BCAS3: variants seen among roughly 807,000 people sequenced by gnomAD.
BCAS3 encodes the protein BCAS3 microtubule associated cell migration factor, also known as BCAS4/BCAS3 fusion.
Under a neutral mutation model 116.1 loss-of-function variants are expected in BCAS3, and 53 were observed. The ratio of observed to expected loss-of-function variants is 0.46; its 90% confidence interval spans 0.37 to 0.57. BCAS3 has a LOEUF of 0.57. Ranked by LOEUF, BCAS3 falls within the 20% of genes least tolerant of loss-of-function variation. The pLI, the probability that BCAS3 is intolerant of heterozygous loss-of-function variation, is 0.00. For synonymous variants in BCAS3, 391 were observed against 408.2 expected (o/e 0.96, Z 0.51); for missense variants, 917 against 1,165.4 (o/e 0.79, Z 3.10).
intron 22 of BCAS3, among the ~76,000 whole-genome samples, chr17:61,209,274 A>G (rs1268957351): frequency 2.0e-5 from 3 of 152,080 alleles, no homozygotes; most frequent in South Asian, 2.1e-4. Flanking sequence ...AGCCGTTTCA[A>G]TTTAAAAAGA....
At chr17:60,843,367 C>T (rs575470167) in intron 7 of BCAS3, among the ~76,000 whole-genome samples, 48 of 151,894 alleles carry the variant, frequency 3.2e-4, no homozygotes, top group Non-Finnish European at 5.7e-4. Context: ...CAGGCACACA[C>T]CACCACGCCT....
At chr17:60,982,765 T>G (rs919789831) in intron 14 of BCAS3, among the ~76,000 whole-genome samples, 4 of 152,244 alleles carry the variant, frequency 2.6e-5, no homozygotes, top group Non-Finnish European at 5.9e-5. Context: ...GGTTTTTCTC[T>G]TGTTATAAAC....
chr17:60,760,735 G>T (rs2094673576), intron 6 of BCAS3, among the ~76,000 whole-genome samples: 1 of 152,026 alleles, frequency 6.6e-6, no homozygotes, highest in African/African-American at 2.4e-5. Flanking sequence ...TCTTATTTGT[G>T]AAAGTCTAGG....
In BCAS3 at chr17:60,784,048, A is replaced by C. The variant is rs182527801; in HGVS notation, c.404-23956A>C. Reference sequence around the variant, plus strand: ...ACTCCATTGTAGAACTGCTGCCAGGAAAGTATCTAAACATCTGGAATATGG... The same window carrying C: ...ACTCCATTGTAGAACTGCTGCCAGGCAAGTATCTAAACATCTGGAATATGG... On this transcript the variant is annotated intron_variant, in intron 6 of 23. Coordinates refer to ENST00000407086, the MANE Select transcript of BCAS3 (RefSeq NM_017679.5). 2.6e-4 allele frequency among the ~76,000 whole-genome samples: 39 copies of C among 152,154 alleles called. 1 individual carries two copies. The East Asian group carries it at 7.1e-3, about 28-fold the overall frequency.
At chr17:61,071,118 G>T (rs1390598058) in intron 19 of BCAS3, among the ~76,000 whole-genome samples, 1 of 152,018 alleles carries the variant, frequency 6.6e-6, no homozygotes, top group Admixed American at 6.6e-5. Context: ...TGAAATTTGA[G>T]GTTATAGTGA....
chr17:61,192,677 A>G (rs928229889), intron 22 of BCAS3, among the ~76,000 whole-genome samples: 1 of 152,198 alleles, frequency 6.6e-6, no homozygotes, highest in Non-Finnish European at 1.5e-5. Context: ...GCAGTTTACC[A>G]CTGTCATGCT....
At chr17:61,351,045 G>A (rs1045700002) in intron 22 of BCAS3, among the ~76,000 whole-genome samples, 3 of 152,162 alleles carry the variant, frequency 2.0e-5, no homozygotes, top group South Asian at 2.1e-4. Flanking sequence ...CCCATCATAC[G>A]TACTTCAGAT....
At chr17:60,979,954 T>C (rs983189920) in intron 14 of BCAS3, among the ~76,000 whole-genome samples, 3 of 151,934 alleles carry the variant, frequency 2.0e-5, no homozygotes, top group African/African-American at 7.3e-5. Flanking sequence ...GGTCTAAAAT[T>C]CTCTTTTTTG....
intron 7 of BCAS3, among the ~76,000 whole-genome samples, chr17:60,809,287 A>G (rs1276145404): frequency 1.4e-5 from 2 of 147,226 alleles, no homozygotes; most frequent in East Asian, 3.9e-4. Context: ...AAAAAAAAAA[A>G]GAGAGAGTTT....
At chr17:60,721,448 A>G (rs1207137841) in intron 5 of BCAS3, among the ~76,000 whole-genome samples, 1 of 152,172 alleles carries the variant, frequency 6.6e-6, no homozygotes, top group African/African-American at 2.4e-5. Flanking sequence ...CTTTTCCTGT[A>G]GTATGTTTCT....
chr17:61,340,487 T>A (rs1399145588), intron 22 of BCAS3, among the ~76,000 whole-genome samples: 1 of 151,958 alleles, frequency 6.6e-6, no homozygotes, highest in East Asian at 1.9e-4. Flanking sequence ...AAGTAATCAT[T>A]TAGGAGGGTG....
At chr17:60,847,680 C>G (rs2052659678) in intron 7 of BCAS3, among the ~76,000 whole-genome samples, 1 of 151,366 alleles carries the variant, frequency 6.6e-6, no homozygotes, top group Non-Finnish European at 1.5e-5. Flanking sequence ...CTTTTTTTTT[C>G]TCATTGGAAT....
Position 61,300,557 on chromosome 17 carries a change from AAAGAAAAG to A in BCAS3, c.2426-67767_2426-67760del, listed in dbSNP as rs1204744703. 6.6e-6 allele frequency among the ~76,000 whole-genome samples: 1 copy of A among 152,026 alleles called. No individual in the cohort carries two copies. The highest frequency in any genetic ancestry group is 1.5e-5 in the Non-Finnish European group (1 of 67,970). ...TCTTGACGCAGTGTTCCTGGCCAAAAAAGAAAAGAAAAGAAAAGAAAAATGTATGGCAG... is the reference window on the plus strand; with the variant it reads ...TCTTGACGCAGTGTTCCTGGCCAAAAAAAAGAAAAGAAAAATGTATGGCAG... On this transcript the variant is annotated intron_variant, in intron 22 of 23. Transcript: ENST00000407086. This position sits in a 1 kb window ranked among gnomAD's most constrained non-coding sequence, Gnocchi z 5.1.
chr17:61,152,114 G>A (rs1439783913), intron 22 of BCAS3, among the ~76,000 whole-genome samples: 4 of 152,126 alleles, frequency 2.6e-5, no homozygotes, highest in African/African-American at 9.7e-5. Context: ...AAGATGGCAC[G>A]GACCCAAAGA....
At chr17:61,024,646 G>GT (rs11369553) in intron 16 of BCAS3, among the ~76,000 whole-genome samples, 22,878 of 146,822 alleles carry the variant, frequency 0.16, 5,461 homozygotes, top group African/African-American at 0.51. Context: ...AAATCTCGAG[G>GT]TTTTTTTTTT....
At position 61,233,943 on chromosome 17, in the gene BCAS3, AT is replaced by A. The variant is rs1362936431; in HGVS notation, c.2426-134382del. 6.7e-6 allele frequency among the ~76,000 whole-genome samples: 1 copy of A among 150,104 alleles called. No homozygotes were observed. The highest frequency in any genetic ancestry group is 1.5e-5 in the Non-Finnish European group (1 of 67,708). ...CTGTGGCATTCCATCCATTATTCTA[AT>A]TAATGTGAATTGAGTATTACTAATA... On this transcript the variant is annotated intron_variant, in intron 22 of 23. Transcript: ENST00000407086. The surrounding 1 kb of genome is among the most constrained non-coding windows in gnomAD (Gnocchi z 4.3).
In BCAS3 at chr17:61,082,663, A is replaced by T. The variant is rs2072722022; in HGVS notation, c.2328-1804A>T. Among the ~76,000 whole-genome samples the T allele has an allele frequency of 6.6e-6, 1 of 152,194 alleles. No individual in the cohort carries two copies. The highest frequency in any genetic ancestry group is 1.5e-5 in the Non-Finnish European group (1 of 68,036). Reference sequence around the variant, plus strand: ...TTTTGTTGCTCTCAAGAACAAGGAAACTTCTTTTCCAGACACTTTAAATAA... The same window carrying T: ...TTTTGTTGCTCTCAAGAACAAGGAATCTTCTTTTCCAGACACTTTAAATAA... On this transcript the variant is annotated intron_variant, in intron 21 of 23. Transcript: ENST00000407086. The surrounding 1 kb of genome is among the most constrained non-coding windows in gnomAD (Gnocchi z 5.1).
chr17:60,738,501 G>A (rs2041205488), intron 5 of BCAS3, among the ~76,000 whole-genome samples: 1 of 152,300 alleles, frequency 6.6e-6, no homozygotes, highest in South Asian at 2.1e-4. Context: ...TGCTCTGTCT[G>A]AAGTTAATAC....
chr17:61,149,059 A>G (rs1055041436), intron 22 of BCAS3, among the ~76,000 whole-genome samples: 1 of 151,986 alleles, frequency 6.6e-6, no homozygotes, highest in Non-Finnish European at 1.5e-5. Context: ...GCACACAAAT[A>G]CTCTAAATTG....
Sources: gnomAD v4.1 joint callset for allele counts (sites outside exome capture counted in the v4.1 genomes callset) on GRCh38, gnomAD v4.1.1 for gene constraint, Gnocchi (gnomAD v3.1) non-coding constraint, MANE v1.5 for transcripts, NCBI Gene and HGNC (gene_info 2026-07-23, HGNC 2026-07-21) for gene names.